STK3: variants seen among roughly 807,000 people sequenced by gnomAD.
STK3 encodes serine/threonine kinase 3, also known as serine/threonine-protein kinase 3.
In STK3, 41 loss-of-function variants were observed where a neutral mutation model predicts 58.0. That is an observed-to-expected ratio of 0.71 (90% CI 0.55 to 0.92). STK3 has a LOEUF of 0.92. Ranked by LOEUF, STK3 falls within the 40% of genes least tolerant of loss-of-function variation. The pLI is 0.00. For synonymous variants in STK3, 170 were observed against 191.0 expected (o/e 0.89, Z 0.91); for missense variants, 479 against 602.7 (o/e 0.79, Z 2.15).
intron 4 of STK3, among the ~76,000 whole-genome samples, chr8:98,746,934 C>T (rs540565953): frequency 6.6e-6 from 1 of 152,068 alleles, no homozygotes; most frequent in East Asian, 1.9e-4. Context: ...CCTAGTTACT[C>T]AGGAGGCTAA....
intron 3 of STK3, among the ~76,000 whole-genome samples, chr8:98,870,476 C>T (rs1300557298): frequency 1.3e-5 from 2 of 152,310 alleles, no homozygotes; most frequent in African/African-American, 2.4e-5. Flanking sequence ...AAAAGTGTTC[C>T]TATTTCTCCA....
chr8:98,393,390 T>C (rs1817866346), intron 3 of STK3, among the ~76,000 whole-genome samples: 1 of 152,174 alleles, frequency 6.6e-6, no homozygotes, highest in African/African-American at 2.4e-5. Context: ...GCAATAGTCC[T>C]TCACTCCTTC....
chr8:98,547,213 A>G (rs1278692727), intron 9 of STK3, among the ~76,000 whole-genome samples: 18 of 152,184 alleles, frequency 1.2e-4, no homozygotes, highest in Admixed American at 1.2e-3. Context: ...CTAGGGTAGG[A>G]GCATGACAGG....
chr8:98,620,476 AAAT>A lies in STK3; in HGVS notation c.685-24310_685-24308del, dbSNP rs1402185371. 2.7e-5 allele frequency among the ~76,000 whole-genome samples: 4 copies of A among 147,518 alleles called. No individual in the cohort carries two copies. In the East Asian group the frequency reaches 6.1e-4, roughly 22 times the overall value. Reference sequence around the variant, plus strand: ...AAACTTAAAGTATAATAAAAAAAATAAATAAATAAATAAATAAATAAATAAAAA... The same window carrying A: ...AAACTTAAAGTATAATAAAAAAAATAAAATAAATAAATAAATAAATAAAAA... On this transcript the variant is annotated intron_variant, in intron 6 of 10. Transcript: ENST00000419617.
chr8:98,822,490 G>A (rs1341525988), intron 1 of STK3, among the ~76,000 whole-genome samples: 2 of 151,790 alleles, frequency 1.3e-5, no homozygotes, highest in Admixed American at 1.3e-4. Flanking sequence ...ATTATCTTCT[G>A]GATATCTAAA....
chr8:98,446,660 A>G (rs10955175), intron 1 of STK3, among the ~76,000 whole-genome samples: 69,247 of 151,978 alleles, frequency 0.46, 15,954 homozygotes, highest in Admixed American at 0.55. Context: ...ACTGTTGGTG[A>G]GAGTGTAAAT....
rs371502660 is a variant in STK3 at position 98,668,630 on chromosome 8, T to C, written c.684+37837A>G. Among the ~76,000 whole-genome samples the C allele has an allele frequency of 6.6e-5, 10 of 152,302 alleles. No homozygotes were observed. The South Asian group carries it at 2.1e-3, about 32-fold the overall frequency. On this transcript the variant is annotated intron_variant, in intron 6 of 10. Transcript: ENST00000419617. Reference sequence around the variant, plus strand: ...AAATCTTTTTTCAGATTACTACATGTATTTTAATAGTAAAAGAAAAATATA... The same window carrying C: ...AAATCTTTTTTCAGATTACTACATGCATTTTAATAGTAAAAGAAAAATATA...
chr8:98,612,278 T>C (rs1161332190), intron 6 of STK3, among the ~76,000 whole-genome samples: 3 of 150,400 alleles, frequency 2.0e-5, no homozygotes, highest in Non-Finnish European at 4.4e-5. Flanking sequence ...AGATCCAGAC[T>C]GGGCACAGTG....
intron 10 of STK3, 83 bp from the exon 11 acceptor site, chr8:98,456,083 C>T: frequency 7.6e-7 from 1 of 1,312,866 alleles, no homozygotes; most frequent in Non-Finnish European, 1.0e-6. Context: ...ACTTTAATGT[C>T]TAATGAGTTT....
intron 7 of STK3, among the ~76,000 whole-genome samples, chr8:98,589,652 T>C (rs1270704630): frequency 6.6e-6 from 1 of 152,254 alleles, no homozygotes; most frequent in Non-Finnish European, 1.5e-5. Context: ...GGCTGCTTTG[T>C]CTACTTAAGC....
intron 4 of STK3, chr8:98,722,981 CA>C (rs201288237): frequency 5.3e-3 from 2,004 of 375,218 alleles, no homozygotes; most frequent in South Asian, 7.3e-3. Context: ...TTAAAACAAA[CA>C]AAAAAAAAAT....
chr8:98,762,058 C>A (rs973107032), intron 3 of STK3, among the ~76,000 whole-genome samples: 4 of 152,068 alleles, frequency 2.6e-5, no homozygotes, highest in Non-Finnish European at 5.9e-5. Context: ...TGAGGTATGA[C>A]CTCCCTGGGA....
chr8:98,939,393 T>C (rs1276403124), intron 1 of STK3, among the ~76,000 whole-genome samples: 1 of 152,194 alleles, frequency 6.6e-6, no homozygotes, highest in African/African-American at 2.4e-5. Context: ...TCTGACTTAG[T>C]AGGTGAGGCC....
intron 1 of STK3, among the ~76,000 whole-genome samples, chr8:98,888,552 A>T (rs527646371): frequency 6.6e-6 from 1 of 152,264 alleles, no homozygotes; most frequent in East Asian, 1.9e-4. Flanking sequence ...TCCAAAGTAA[A>T]TCTTAAATAA....
At chr8:98,516,737 A>G (rs1465638481) in intron 10 of STK3, among the ~76,000 whole-genome samples, 1 of 152,094 alleles carries the variant, frequency 6.6e-6, no homozygotes, top group African/African-American at 2.4e-5. Flanking sequence ...TCATCAAAGA[A>G]TATAGGCATT....
rs547228262 is a variant in STK3 at position 98,640,632 on chromosome 8, T to C, written c.685-44463A>G. Among the ~76,000 whole-genome samples, 109 of 152,196 alleles carry C rather than the reference T, an allele frequency of 7.2e-4. 1 individual carries two copies. The highest frequency in any genetic ancestry group is 2.6e-3 in the African/African-American group (108 of 41,556). On this transcript the variant is annotated intron_variant, in intron 6 of 10. Coordinates refer to ENST00000419617, the MANE Select transcript of STK3 (RefSeq NM_006281.4). The stretch of plus-strand genomic sequence containing the variant: ...TAACAATTTGCATTTATTATTAAAG[T>C]ATTAAATTTAAAACTCCAAAGCACC...
At chr8:98,468,516 G>A (rs1177490241) in intron 10 of STK3, among the ~76,000 whole-genome samples, 1 of 152,182 alleles carries the variant, frequency 6.6e-6, no homozygotes, top group African/African-American at 2.4e-5. Flanking sequence ...GCTGTCTTGT[G>A]CAAACTTAAA....
chr8:98,466,381 G>C (rs1054939001), intron 10 of STK3, among the ~76,000 whole-genome samples: 6 of 152,118 alleles, frequency 3.9e-5, no homozygotes, highest in Non-Finnish European at 5.9e-5. Flanking sequence ...AAATTTCCTT[G>C]ACATATCCCA....
At chr8:98,927,214 A>G (rs1179832798) in intron 1 of STK3, among the ~76,000 whole-genome samples, 2 of 152,220 alleles carry the variant, frequency 1.3e-5, no homozygotes, top group South Asian at 4.1e-4. Flanking sequence ...TTCAAATCAT[A>G]CTGGAGGGCA....
Sources: gnomAD v4.1 joint callset for allele counts (sites outside exome capture counted in the v4.1 genomes callset) on GRCh38, gnomAD v4.1.1 for gene constraint, MANE v1.5 for transcripts, NCBI Gene and HGNC (gene_info 2026-07-23, HGNC 2026-07-21) for gene names.